The following SEMA3A variants were observed in gnomAD, a reference collection of about 807,000 sequenced individuals.
SEMA3A encodes semaphorin 3A.
SEMA3A carries 29 observed loss-of-function variants against 97.9 expected under a neutral mutation model. That is an observed-to-expected ratio of 0.30 (90% CI 0.22 to 0.40). SEMA3A has a LOEUF of 0.40. Ranked by LOEUF, SEMA3A falls within the 10% of genes least tolerant of loss-of-function variation. The pLI is 1.00. For synonymous variants in SEMA3A, 321 were observed against 323.7 expected, an observed-to-expected ratio of 0.99 and a Z score of 0.09; for missense variants, 763 against 951.3, an observed-to-expected ratio of 0.80 and a Z score of 2.60.
intron 3 of SEMA3A, among the ~76,000 whole-genome samples, chr7:84,244,535 C>T (rs1475345900): frequency 2.0e-5 from 3 of 152,006 alleles, no homozygotes; most frequent in African/African-American, 7.2e-5. Flanking sequence ...GACTTAACTC[C>T]TTATACAATT....
At chr7:83,986,969 TTCA>T (rs367794492) in intron 12 of SEMA3A, among the ~76,000 whole-genome samples, 23,391 of 147,106 alleles carry the variant, frequency 0.16, 2,069 homozygotes, top group Non-Finnish European at 0.21. Flanking sequence ...CTCTCTCTCT[TTCA>T]CACACACACA....
chr7:84,405,374 T>G (rs1037142470), intron 1 of SEMA3A, among the ~76,000 whole-genome samples: 1 of 151,996 alleles, frequency 6.6e-6, no homozygotes, highest in South Asian at 2.1e-4. Context: ...ACCCAATACA[T>G]TAACACCCAG....
At chr7:84,374,287 C>G (rs1803046801) in intron 1 of SEMA3A, among the ~76,000 whole-genome samples, 1 of 152,134 alleles carries the variant, frequency 6.6e-6, no homozygotes, top group African/African-American at 2.4e-5. Context: ...AATATGTGTG[C>G]AAAGATATTT....
intron 12 of SEMA3A, among the ~76,000 whole-genome samples, chr7:83,998,338 T>TAGTA (rs1404533693): frequency 1.3e-5 from 2 of 152,184 alleles, no homozygotes; most frequent in East Asian, 3.8e-4. Context: ...GATAACACAA[T>TAGTA]AGTAAGTATT....
intron 7 of SEMA3A, 122 bp downstream of exon 7, chr7:84,014,087 T>G (rs1790993986): frequency 1.3e-6 from 1 of 743,184 alleles, no homozygotes; most frequent in Non-Finnish European, 2.2e-6. Context: ...ACCATTTATT[T>G]GTTATGTGAG....
intron 12 of SEMA3A, among the ~76,000 whole-genome samples, chr7:83,999,941 G>A (rs1340118255): frequency 2.7e-5 from 4 of 149,724 alleles, no homozygotes; most frequent in East Asian, 1.9e-4. Flanking sequence ...TCATACTGGG[G>A]CACCTCACTT....
At chr7:84,137,510 C>T (rs28756897) in intron 1 of SEMA3A, among the ~76,000 whole-genome samples, 1 of 151,456 alleles carries the variant, frequency 6.6e-6, no homozygotes, top group African/African-American at 2.4e-5. Context: ...TTCAGGCACT[C>T]TGAGTTGTGT....
rs549082504 is a variant in SEMA3A, at chr7:84,347,410, CT to C, written c.-169+24413del. Among the ~76,000 whole-genome samples the C allele has an allele frequency of 1.9e-3, 261 of 136,476 alleles. 1 individual carries two copies. Among genetic ancestry groups the C allele is most frequent in the African/African-American group, 3.3e-3 (123 of 37,152 alleles). 89.5% of individuals were successfully genotyped at this position (136,476 alleles called of 152,430 possible). A position where few individuals can be genotyped will look rare whatever the true frequency, so the allele number is the denominator to read the frequency against. ...ATGCAACAAGAATGATTCTTCAAAC[CT>C]TTTTTTTTTTTTTTTGTGACGAGAC... On this transcript the variant is annotated intron_variant, in intron 2 of 3. Transcript: ENST00000424555.
chr7:84,085,185 GT>G (rs1794291941), intron 4 of SEMA3A, among the ~76,000 whole-genome samples: 1 of 151,950 alleles, frequency 6.6e-6, no homozygotes, highest in South Asian at 2.1e-4. Context: ...AAGCATAAGG[GT>G]CAAACATGAA....
intron 3 of SEMA3A, among the ~76,000 whole-genome samples, chr7:84,212,355 T>C (rs1199885251): frequency 1.3e-5 from 2 of 152,246 alleles, no homozygotes; most frequent in African/African-American, 4.8e-5. Flanking sequence ...CATCACCATA[T>C]TGGGGAAATT....
At chr7:84,108,102 T>C (rs767447538) in intron 4 of SEMA3A, among the ~76,000 whole-genome samples, 1 of 152,178 alleles carries the variant, frequency 6.6e-6, no homozygotes, top group Non-Finnish European at 1.5e-5. Flanking sequence ...TAGTTTCTAA[T>C]ATTAATTGAC....
chr7:84,238,603 G>A (rs1262867514), intron 3 of SEMA3A, among the ~76,000 whole-genome samples: 1 of 152,018 alleles, frequency 6.6e-6, no homozygotes, highest in African/African-American at 2.4e-5. Flanking sequence ...AAACCTTTCT[G>A]CAATAGTTCT....
chr7:84,310,906 G>T (rs1485979443), intron 2 of SEMA3A, among the ~76,000 whole-genome samples: 2 of 151,520 alleles, frequency 1.3e-5, no homozygotes, highest in African/African-American at 4.8e-5. Context: ...GGTAATTTGG[G>T]CAATAGATAT....
chr7:84,284,854 C>CAGAG (rs1398791378), intron 3 of SEMA3A, among the ~76,000 whole-genome samples: 1 of 152,040 alleles, frequency 6.6e-6, no homozygotes, highest in Non-Finnish European at 1.5e-5. Context: ...ACACATCATA[C>CAGAG]AGAGGTTTGC....
chr7:84,285,970 C>CAAAAAAAAA (rs564063430), intron 3 of SEMA3A, among the ~76,000 whole-genome samples: 1 of 70,142 alleles, frequency 1.4e-5, no homozygotes, highest in African/African-American at 4.5e-5. Flanking sequence ...GACCCCATCT[C>CAAAAAAAAA]AAAAAAAAAA....
In SEMA3A at chr7:84,428,539, T is replaced by A. The variant is rs190218618; in HGVS notation, c.-245-56639A>T. Among the ~76,000 whole-genome samples the A allele has an allele frequency of 8.3e-4, 127 of 152,190 alleles. 1 individual carries two copies. The highest frequency in any genetic ancestry group is 3.4e-3 in the Middle Eastern group (1 of 290). ...ATAAACAAGCTTTTTTTGTATATTT[T>A]AAAAATTTCTTTGAATATTGTCCTA... On this transcript the variant is annotated intron_variant, in intron 1 of 3. Transcript: ENST00000424555.
chr7:84,181,774 T>G (rs1797743579), intron 1 of SEMA3A, among the ~76,000 whole-genome samples: 1 of 152,190 alleles, frequency 6.6e-6, no homozygotes, highest in Admixed American at 6.5e-5. Flanking sequence ...GCTAAAACTA[T>G]ACCTCACCTT....
intron 2 of SEMA3A, among the ~76,000 whole-genome samples, chr7:84,332,783 C>T (rs1801939389): frequency 6.6e-6 from 1 of 151,900 alleles, no homozygotes; most frequent in Admixed American, 6.6e-5. Flanking sequence ...TAAATATTTA[C>T]AGTTCTTGAC....
intron 3 of SEMA3A, among the ~76,000 whole-genome samples, chr7:84,255,512 T>C (rs987112915): frequency 1.3e-5 from 2 of 152,124 alleles, no homozygotes; most frequent in African/African-American, 4.8e-5. Context: ...AGCAACTCTG[T>C]TGAAATCTGA....
Sources: allele counts gnomAD v4.1 joint callset (sites outside exome capture counted in the v4.1 genomes callset), GRCh38; gene constraint gnomAD v4.1.1; transcripts MANE v1.5; gene names NCBI Gene and HGNC (gene_info 2026-07-23, HGNC 2026-07-21).